The following ARHGAP24 variants were observed in gnomAD, a reference collection of about 807,000 sequenced individuals.
ARHGAP24 encodes the protein Rho GTPase activating protein 24.
In ARHGAP24, 50 loss-of-function variants were observed where a neutral mutation model predicts 76.4. The ratio of observed to expected loss-of-function variants is 0.65; its 90% confidence interval spans 0.52 to 0.83. The LOEUF (loss-of-function observed/expected upper bound fraction) is 0.83. Among genes scored for constraint, ARHGAP24 ranks in the 40% least tolerant of loss-of-function variants. The probability of loss-of-function intolerance (pLI) is 0.00; values close to 1 mark genes in which losing one functional copy is unlikely to be tolerated. For missense variants in ARHGAP24, 930 were observed against 914.2 expected, an observed-to-expected ratio of 1.02 and a Z score of -0.22; for synonymous variants, 345 against 323.3, an observed-to-expected ratio of 1.07 and a Z score of -0.72.
rs975510178 is a variant in ARHGAP24, at chr4:85,662,950, G to A, written c.181-58935G>A. 7.8e-3 allele frequency among the ~76,000 whole-genome samples: 1,181 copies of A among 150,934 alleles called. 13 individuals carry two copies. The highest frequency in any genetic ancestry group is 0.027 in the African/African-American group (1,087 of 40,298). On this transcript the variant is annotated intron_variant, in intron 2 of 9. Coordinates refer to ENST00000395184, the MANE Select transcript of ARHGAP24 (RefSeq NM_001025616.3). ...GTAGTATAGTTTGAAGTCAGGTAGC[G>A]TGATGCCTCCAGCTTTGTTCTTTTG...
chr4:85,512,606 T>A (rs1264743212), intron 1 of ARHGAP24, among the ~76,000 whole-genome samples: 1 of 152,226 alleles, frequency 6.6e-6, no homozygotes, highest in Admixed American at 6.5e-5. Context: ...GTTTGGAAAT[T>A]TAGGGGCTCC....
chr4:85,682,422 T>C (rs897312905), intron 2 of ARHGAP24, among the ~76,000 whole-genome samples: 3 of 152,212 alleles, frequency 2.0e-5, no homozygotes, highest in Admixed American at 2.0e-4. Context: ...GCAGGAACAG[T>C]CAGGCTTCCA....
At chr4:85,847,538 A>G (rs2110156718) in intron 3 of ARHGAP24, among the ~76,000 whole-genome samples, 1 of 152,286 alleles carries the variant, frequency 6.6e-6, no homozygotes, top group South Asian at 2.1e-4. Context: ...AATGGTCAAG[A>G]CAGACTTCTT....
At chr4:85,523,676 C>T (rs1724874954) in intron 1 of ARHGAP24, among the ~76,000 whole-genome samples, 1 of 152,096 alleles carries the variant, frequency 6.6e-6, no homozygotes, top group Admixed American at 6.6e-5. Flanking sequence ...TGCATGTTTA[C>T]AGGAACATGT....
chr4:85,866,073 T>A (rs1732182585), intron 3 of ARHGAP24, among the ~76,000 whole-genome samples: 1 of 152,150 alleles, frequency 6.6e-6, no homozygotes, highest in Non-Finnish European at 1.5e-5. Context: ...CTCACAATGA[T>A]CCCTTATAGG....
At chr4:85,755,790 G>A (rs372352230) in intron 3 of ARHGAP24, among the ~76,000 whole-genome samples, 234 of 151,896 alleles carry the variant, frequency 1.5e-3, no homozygotes, top group African/African-American at 5.2e-3. Flanking sequence ...CCGCCACTAC[G>A]TCTGGCTAAT....
chr4:85,998,184 T>A (rs1171967292), intron 9 of ARHGAP24, among the ~76,000 whole-genome samples: 2 of 152,196 alleles, frequency 1.3e-5, no homozygotes, highest in African/African-American at 4.8e-5. Flanking sequence ...AAATTTCCTA[T>A]CAGTATTCTG....
intron 3 of ARHGAP24, among the ~76,000 whole-genome samples, chr4:85,806,581 T>C (rs1370437568): frequency 6.6e-6 from 1 of 152,158 alleles, no homozygotes; most frequent in Non-Finnish European, 1.5e-5. Flanking sequence ...ATTTTTTTAA[T>C]TGGGGGCTGG....
At chr4:85,680,958 T>A (rs1723181439) in intron 2 of ARHGAP24, among the ~76,000 whole-genome samples, 1 of 151,932 alleles carries the variant, frequency 6.6e-6, no homozygotes, top group South Asian at 2.1e-4. Context: ...AAGTGACAAA[T>A]TTATAGAGAG....
intron 2 of ARHGAP24, among the ~76,000 whole-genome samples, chr4:85,626,060 G>C (rs534827027): frequency 4.9e-4 from 74 of 152,298 alleles, no homozygotes; most frequent in Non-Finnish European, 1.5e-5. Flanking sequence ...GGAACATTTA[G>C]TCCATTTACA....
chr4:85,505,888 A>ACCTACAGATGGGGTTTTGGTGT (rs1724025444), intron 1 of ARHGAP24, among the ~76,000 whole-genome samples: 1 of 151,944 alleles, frequency 6.6e-6, no homozygotes, highest in African/African-American at 2.4e-5. Flanking sequence ...GATGTTGGTG[A>ACCTACAGATGGGGTTTTGGTGT]CCTACAGATG....
intron 3 of ARHGAP24, among the ~76,000 whole-genome samples, chr4:85,904,627 G>A (rs1043707102): frequency 6.6e-6 from 1 of 152,160 alleles, no homozygotes; most frequent in Non-Finnish European, 1.5e-5. Context: ...ATTCAAAACT[G>A]AAAATTAATT....
At position 85,539,987 on chromosome 4, in the gene ARHGAP24, G is replaced by A. The variant is rs538541057; in HGVS notation, c.-20-30535G>A. ...TTGAACCCAGGAGGCAGAGGTTGCA[G>A]TGAGCAGAGATTGTGCGACTGCACT... On this transcript the variant is annotated intron_variant, in intron 1 of 9. Coordinates refer to ENST00000395184, the MANE Select transcript of ARHGAP24 (RefSeq NM_001025616.3). Among the ~76,000 whole-genome samples, 6 of 152,226 alleles carry A rather than the reference G, an allele frequency of 3.9e-5. No homozygotes were observed. The South Asian group carries it at 1.2e-3, about 32-fold the overall frequency.
intron 1 of ARHGAP24, among the ~76,000 whole-genome samples, chr4:85,506,199 C>G (rs1165752448): frequency 2.0e-5 from 3 of 152,130 alleles, no homozygotes; most frequent in Non-Finnish European, 4.4e-5. Flanking sequence ...ACATGGGGGT[C>G]AGGGACCCAC....
chr4:85,947,262 T>A (rs554310827), intron 5 of ARHGAP24, among the ~76,000 whole-genome samples: 1 of 152,330 alleles, frequency 6.6e-6, no homozygotes, highest in Non-Finnish European at 1.5e-5. Flanking sequence ...TTTGTGAATA[T>A]TTTATCCCTT....
At chr4:85,771,909 A>T (rs979496954) in intron 3 of ARHGAP24, among the ~76,000 whole-genome samples, 2 of 152,020 alleles carry the variant, frequency 1.3e-5, no homozygotes, top group Non-Finnish European at 2.9e-5. Context: ...GGGTTTCATT[A>T]TGTTGACCAG....
At chr4:85,480,084 C>A (rs1481033015) in intron 1 of ARHGAP24, among the ~76,000 whole-genome samples, 1 of 152,098 alleles carries the variant, frequency 6.6e-6, no homozygotes, top group African/African-American at 2.4e-5. Flanking sequence ...AATCACATTA[C>A]AATACTTTTT....
intron 1 of ARHGAP24, among the ~76,000 whole-genome samples, chr4:85,508,085 C>T (rs1490679529): frequency 6.6e-6 from 1 of 151,026 alleles, no homozygotes; most frequent in African/African-American, 2.4e-5. Flanking sequence ...AGGTAATTAA[C>T]AGATTCAGAT....
chr4:85,692,848 A>G (rs1372905774), intron 2 of ARHGAP24, among the ~76,000 whole-genome samples: 1 of 152,210 alleles, frequency 6.6e-6, no homozygotes, highest in African/African-American at 2.4e-5. Flanking sequence ...GACTAGTGGA[A>G]TCATTTGGAA....
Sources: gnomAD v4.1 joint callset for allele counts (sites outside exome capture counted in the v4.1 genomes callset) on GRCh38, gnomAD v4.1.1 for gene constraint, MANE v1.5 for transcripts, NCBI Gene and HGNC (gene_info 2026-07-23, HGNC 2026-07-21) for gene names.